Variants in OPHN1 observed in about 807,000 individuals in gnomAD.
OPHN1 encodes the protein oligophrenin 1.
In OPHN1, 11 loss-of-function variants were observed where a neutral mutation model predicts 60.7. That is an observed-to-expected ratio of 0.18 (90% CI 0.11 to 0.30). The LOEUF (loss-of-function observed/expected upper bound fraction) is 0.30, where lower values mean the gene tolerates loss of function less well. Among genes scored for constraint, OPHN1 ranks in the 10% least tolerant of loss-of-function variants. The pLI, the probability that OPHN1 is intolerant of heterozygous loss-of-function variation, is 1.00. For synonymous variants in OPHN1, 226 were observed against 222.6 expected (o/e 1.02, Z -0.14); for missense variants, 449 against 611.0 (o/e 0.73, Z 2.80).
chrX:68,147,672 A>G (rs781496307), intron 15 of OPHN1, among the ~76,000 whole-genome samples: 5 of 111,925 alleles, frequency 4.5e-5, no homozygotes, highest in South Asian at 3.8e-4. Flanking sequence ...GTACTCACTA[A>G]ACACTATATA....
At chrX:68,157,075 A>T (rs949101965) in intron 15 of OPHN1, among the ~76,000 whole-genome samples, 5 of 112,205 alleles carry the variant, frequency 4.5e-5, no homozygotes, top group African/African-American at 1.6e-4. Flanking sequence ...TGTGCTGTAA[A>T]GTAACCATAT....
rs752922020 is a variant in OPHN1, at chrX:68,202,597, T to A, written c.934-887A>T. ...TCACTGCAACCTCCGCCTCCCGGGT[T>A]CAAGCGATTCTCCTGCCTCAGCCTC... On this transcript the variant is annotated intron_variant, in intron 10 of 24. Transcript: ENST00000355520. Among the ~76,000 whole-genome samples the A allele has an allele frequency of 2.7e-5, 3 of 110,282 alleles. No homozygotes were observed. In the Admixed American group the frequency reaches 2.9e-4, roughly 11 times the overall value.
At chrX:68,355,422 A>T (rs2078435365) in intron 2 of OPHN1, among the ~76,000 whole-genome samples, 1 of 112,147 alleles carries the variant, frequency 8.9e-6, no homozygotes, top group South Asian at 3.7e-4. Flanking sequence ...TGGCTGATAC[A>T]TGTAGTTAAT....
Position 68,274,877 on chromosome X carries a change from T to TA in OPHN1, c.313-69_313-68insT, listed in dbSNP as rs752961801. On this transcript the variant is annotated intron_variant, in intron 4 of 24. Transcript: ENST00000355520. ...CAAGGTTCAGATACAAGATTCCTTGTTACTACATTTTCATTTATATACCAA... is the reference window on the plus strand; with the variant it reads ...CAAGGTTCAGATACAAGATTCCTTGTATACTACATTTTCATTTATATACCAA... The TA allele has an allele frequency of 8.8e-6, 7 of 799,503 alleles. 1 individual carries two copies. In the South Asian group the frequency reaches 1.5e-4, roughly 17 times the overall value. 65.9% of individuals were successfully genotyped at this position (799,503 alleles called of 1,213,427 possible).
chrX:68,139,408 A>G (rs1038074298), intron 15 of OPHN1, among the ~76,000 whole-genome samples: 2 of 111,963 alleles, frequency 1.8e-5, no homozygotes, highest in Non-Finnish European at 3.8e-5. Context: ...ATCCACTTCA[A>G]AATAATCCAA....
At chrX:68,207,643 C>T (rs865813652) in intron 9 of OPHN1, among the ~76,000 whole-genome samples, 3 of 110,579 alleles carry the variant, frequency 2.7e-5, no homozygotes, top group South Asian at 3.9e-4. Flanking sequence ...AAACCATCCA[C>T]GGCTTTCCCA....
intron 2 of OPHN1, among the ~76,000 whole-genome samples, chrX:68,329,423 T>C (rs1455056564): frequency 8.9e-6 from 1 of 112,266 alleles, no homozygotes; most frequent in Non-Finnish European, 1.9e-5. Context: ...TAATGAAATA[T>C]TAGAAATAGC....
chrX:68,129,647 C>A (rs1321923492), intron 15 of OPHN1, among the ~76,000 whole-genome samples: 1 of 111,840 alleles, frequency 8.9e-6, no homozygotes, highest in Non-Finnish European at 1.9e-5. Flanking sequence ...AGAGGCAAAC[C>A]AAACAAAACA....
At chrX:68,377,162 T>A (rs999578648) in intron 2 of OPHN1, among the ~76,000 whole-genome samples, 4 of 105,071 alleles carry the variant, frequency 3.8e-5, no homozygotes, top group African/African-American at 1.4e-4. Flanking sequence ...AGTGGCACGA[T>A]CTCAGCTCAC....
intron 5 of OPHN1, among the ~76,000 whole-genome samples, chrX:68,266,636 C>G (rs2077929554): frequency 9.0e-6 from 1 of 111,503 alleles, no homozygotes; most frequent in African/African-American, 3.3e-5. Flanking sequence ...AGCAAAATCA[C>G]TAGCTAACAT....
intron 2 of OPHN1, among the ~76,000 whole-genome samples, chrX:68,310,868 A>G (rs1458078955): frequency 9.0e-6 from 1 of 111,386 alleles, no homozygotes; most frequent in Non-Finnish European, 1.9e-5. Context: ...AGCACAGCAC[A>G]GGGAGAAAAA....
At chrX:68,093,611 G>C (rs892637985) in intron 19 of OPHN1, among the ~76,000 whole-genome samples, 2 of 111,035 alleles carry the variant, frequency 1.8e-5, no homozygotes, top group African/African-American at 6.5e-5. Flanking sequence ...TTTTTTTAAC[G>C]TTACCTATTC....
At chrX:68,425,776 T>TTGAGA (rs1480004632) in intron 2 of OPHN1, among the ~76,000 whole-genome samples, 32 of 105,996 alleles carry the variant, frequency 3.0e-4, no homozygotes, top group African/African-American at 1.1e-3. Flanking sequence ...TTTTTTTTTT[T>TTGAGA]GAGACAGGCT....
At chrX:68,082,120 C>A (rs2076976416) in intron 19 of OPHN1, among the ~76,000 whole-genome samples, 1 of 111,858 alleles carries the variant, frequency 8.9e-6, no homozygotes, top group South Asian at 3.8e-4. Flanking sequence ...GCAATTCAGT[C>A]ACGTCTTCAG....
intron 16 of OPHN1, 145 bp from the exon 17 acceptor site, chrX:68,113,384 T>C (rs1271241527): frequency 2.0e-6 from 1 of 503,937 alleles, no homozygotes; most frequent in Admixed American, 2.9e-5. Context: ...TGAAGCTTCG[T>C]CAGGGAATCC....
At chrX:68,416,309 G>A (rs2078798858) in intron 2 of OPHN1, among the ~76,000 whole-genome samples, 1 of 109,273 alleles carries the variant, frequency 9.2e-6, no homozygotes, top group African/African-American at 3.4e-5. Context: ...CTCCCAAAGT[G>A]CTGGTATTAT....
intron 2 of OPHN1, among the ~76,000 whole-genome samples, chrX:68,371,099 T>C (rs1022610494): frequency 4.5e-5 from 5 of 111,435 alleles, no homozygotes; most frequent in African/African-American, 1.3e-4. Context: ...AAAAGCAGGA[T>C]CTAACTACAG....
chrX:68,119,554 CTG>C (rs1456473988), intron 15 of OPHN1, among the ~76,000 whole-genome samples: 1 of 111,491 alleles, frequency 9.0e-6, no homozygotes, highest in Non-Finnish European at 1.9e-5. Flanking sequence ...CAAGAAAAAA[CTG>C]AACAAACAAA....
chrX:68,423,843 G>C (rs917389068), intron 2 of OPHN1, among the ~76,000 whole-genome samples: 3 of 111,324 alleles, frequency 2.7e-5, no homozygotes, highest in African/African-American at 9.8e-5. Context: ...GACATTTAGA[G>C]GTTGTTTCCA....
Sources: allele counts gnomAD v4.1 joint callset (sites outside exome capture counted in the v4.1 genomes callset), GRCh38; gene constraint gnomAD v4.1.1; transcripts MANE v1.5; gene names NCBI Gene and HGNC (gene_info 2026-07-23, HGNC 2026-07-21).